Variants in ARHGAP26 observed in about 807,000 individuals in gnomAD.
ARHGAP26 encodes Rho GTPase activating protein 26.
In ARHGAP26, 38 loss-of-function variants were observed where a neutral mutation model predicts 104.8. That is an observed-to-expected ratio of 0.36 (90% CI 0.28 to 0.48). The LOEUF (loss-of-function observed/expected upper bound fraction) is 0.48, where lower values mean the gene tolerates loss of function less well. Ranked by LOEUF, ARHGAP26 falls within the 20% of genes least tolerant of loss-of-function variation. The probability of loss-of-function intolerance (pLI) is 0.99; values close to 1 mark genes in which losing one functional copy is unlikely to be tolerated. For synonymous variants in ARHGAP26, 341 were observed against 340.0 expected, an observed-to-expected ratio of 1.00 and a Z score of -0.03; for missense variants, 704 against 947.9, an observed-to-expected ratio of 0.74 and a Z score of 3.38.
chr5:142,987,312 A>T (rs1774901541), intron 11 of ARHGAP26, among the ~76,000 whole-genome samples: 1 of 152,160 alleles, frequency 6.6e-6, no homozygotes, highest in African/African-American at 2.4e-5. Context: ...TTATTGGTGT[A>T]TAGGAATGCT....
At position 142,951,201 on chromosome 5, in the gene ARHGAP26, A is replaced by G. The variant is rs546133504; in HGVS notation, c.1107+19076A>G. 2.0e-5 allele frequency among the ~76,000 whole-genome samples: 3 copies of G among 152,272 alleles called. No homozygotes were observed. The East Asian group carries it at 5.8e-4, about 29-fold the overall frequency. ...CAGCCTCCTGAGCAGCTGAGATTAC[A>G]GGCATGTACCACCACGCCCAGCAAA... On this transcript the variant is annotated intron_variant, in intron 11 of 22. Transcript: ENST00000645722.
intron 12 of ARHGAP26, among the ~76,000 whole-genome samples, chr5:143,023,062 C>T (rs963297618): frequency 6.6e-6 from 1 of 152,216 alleles, no homozygotes; most frequent in African/African-American, 2.4e-5. Context: ...GCACAAGGGT[C>T]ACGCATTTCA....
At chr5:142,868,319 G>A (rs537979563) in intron 1 of ARHGAP26, among the ~76,000 whole-genome samples, 1 of 152,262 alleles carries the variant, frequency 6.6e-6, no homozygotes, top group South Asian at 2.1e-4. Flanking sequence ...GAGGGGTGTG[G>A]GGAGGCCAGA....
chr5:143,033,710 T>A (rs761730514), intron 12 of ARHGAP26, among the ~76,000 whole-genome samples: 2 of 152,216 alleles, frequency 1.3e-5, no homozygotes, highest in Non-Finnish European at 2.9e-5. Context: ...AAGCCTACTC[T>A]TGAAACATCC....
At chr5:143,007,270 T>C (rs1398684315) in intron 11 of ARHGAP26, among the ~76,000 whole-genome samples, 1 of 151,902 alleles carries the variant, frequency 6.6e-6, no homozygotes, top group Non-Finnish European at 1.5e-5. Context: ...TGTGTTCAAC[T>C]GAGAAATCTG....
chr5:142,834,680 A>G (rs749673689), intron 1 of ARHGAP26, among the ~76,000 whole-genome samples: 6 of 152,294 alleles, frequency 3.9e-5, no homozygotes, highest in Non-Finnish European at 7.3e-5. Flanking sequence ...GCAGCTTTCC[A>G]AAAGGACAAA....
intron 17 of ARHGAP26, among the ~76,000 whole-genome samples, chr5:143,104,504 C>T (rs1793717878): frequency 6.6e-6 from 1 of 152,118 alleles, no homozygotes; most frequent in Admixed American, 6.5e-5. Context: ...GAGTGAGAAC[C>T]TGTCTCAAAA....
At chr5:142,860,048 C>T (rs1469394300) in intron 1 of ARHGAP26, 1 of 152,226 alleles carries the variant, frequency 6.6e-6, no homozygotes, top group African/African-American at 2.4e-5. Context: ...ATGGTGGGTC[C>T]ACCAGAATTC....
At chr5:143,108,526 T>C (rs1175137277) in intron 17 of ARHGAP26, among the ~76,000 whole-genome samples, 1 of 152,186 alleles carries the variant, frequency 6.6e-6, no homozygotes, top group Admixed American at 6.5e-5. Flanking sequence ...CCAGTCACTT[T>C]GGTAGACTGG....
At chr5:143,177,876 C>T (rs758143973) in intron 20 of ARHGAP26, among the ~76,000 whole-genome samples, 34 of 151,196 alleles carry the variant, frequency 2.2e-4, no homozygotes, top group Non-Finnish European at 3.2e-4. Context: ...GTGATAAATA[C>T]GGATGGAAAG....
intron 6 of ARHGAP26, among the ~76,000 whole-genome samples, chr5:142,898,563 C>G (rs1759821670): frequency 6.6e-6 from 1 of 152,170 alleles, no homozygotes; most frequent in African/African-American, 2.4e-5. Context: ...CCTTGGGCCT[C>G]CCCGTTCTCC....
intron 2 of ARHGAP26, among the ~76,000 whole-genome samples, chr5:142,874,016 T>G (rs892562421): frequency 3.3e-5 from 5 of 152,242 alleles, no homozygotes; most frequent in Admixed American, 6.5e-5. Context: ...TGGCTCCCTC[T>G]TCTGACCTGG....
intron 17 of ARHGAP26, among the ~76,000 whole-genome samples, chr5:143,063,026 C>T (rs1325930861): frequency 1.3e-5 from 2 of 152,160 alleles, no homozygotes; most frequent in African/African-American, 2.4e-5. Context: ...AGCCATACAC[C>T]CTGGCTCCGG....
chr5:143,058,018 C>G (rs1247315599), intron 17 of ARHGAP26: 1 of 615,116 alleles, frequency 1.6e-6, no homozygotes, highest in Non-Finnish European at 3.1e-6. Flanking sequence ...TGATCAAGGG[C>G]AAATTGGAGT....
At chr5:143,016,606 G>A (rs1437796318) in intron 12 of ARHGAP26, among the ~76,000 whole-genome samples, 4 of 151,798 alleles carry the variant, frequency 2.6e-5, no homozygotes, top group African/African-American at 9.7e-5. Context: ...AGGAAGCTGA[G>A]GCAGGAGAAT....
chr5:143,069,688 G>A (rs1339630811), intron 17 of ARHGAP26, among the ~76,000 whole-genome samples: 1 of 152,206 alleles, frequency 6.6e-6, no homozygotes, highest in Non-Finnish European at 1.5e-5. Flanking sequence ...TATAGGAGTT[G>A]TGCTTGCTGA....
intron 1 of ARHGAP26, among the ~76,000 whole-genome samples, chr5:142,794,459 G>A (rs1760546736): frequency 6.6e-6 from 1 of 152,212 alleles, no homozygotes; most frequent in East Asian, 1.9e-4. Context: ...AAGAGAAAGG[G>A]CCCTGCCTTC....
intron 1 of ARHGAP26, among the ~76,000 whole-genome samples, chr5:142,826,323 G>A (rs946449964): frequency 6.6e-6 from 1 of 152,152 alleles, no homozygotes; most frequent in Non-Finnish European, 1.5e-5. Context: ...GGGTGGAGGA[G>A]GCGCTGTACA....
At chr5:143,061,706 C>A (rs1049064635) in intron 17 of ARHGAP26, among the ~76,000 whole-genome samples, 7 of 152,152 alleles carry the variant, frequency 4.6e-5, no homozygotes, top group Admixed American at 2.0e-4. Context: ...AGAATCTGTC[C>A]TGAGAGTTGG....
Sources: gnomAD v4.1 joint callset for allele counts (sites outside exome capture counted in the v4.1 genomes callset) on GRCh38, gnomAD v4.1.1 for gene constraint, MANE v1.5 for transcripts, NCBI Gene and HGNC (gene_info 2026-07-23, HGNC 2026-07-21) for gene names.